OTUD7A: variants seen among roughly 807,000 people sequenced by gnomAD.
OTUD7A encodes the protein OTU deubiquitinase 7A.
A neutral mutation model predicts 65.7 loss-of-function variants in OTUD7A; 12 were observed. The ratio of observed to expected loss-of-function variants is 0.18; its 90% confidence interval spans 0.12 to 0.30. The LOEUF is 0.30. Among genes scored for constraint, OTUD7A ranks in the 10% least tolerant of loss-of-function variants. The pLI is 1.00. For synonymous variants in OTUD7A, 641 were observed against 586.3 expected, an observed-to-expected ratio of 1.09 and a Z score of -1.35; for missense variants, 1,148 against 1,304.8, an observed-to-expected ratio of 0.88 and a Z score of 1.85.
In OTUD7A at chr15:31,723,375, G is replaced by GC. The variant is rs1426427526; in HGVS notation, c.-99-66299dup. 9.1e-4 allele frequency among the ~76,000 whole-genome samples: 104 copies of GC among 114,142 alleles called. 1 individual carries two copies. Among genetic ancestry groups the GC allele is most frequent in the African/African-American group, 3.5e-3 (98 of 27,844 alleles). The allele number at this position is 114,142 out of a possible 152,430, so 74.9% of individuals were successfully genotyped here. On this transcript the variant is annotated intron_variant, in intron 1 of 12. Transcript: ENST00000307050. Reference sequence around the variant, plus strand: ...GAAAGTATATGTACCACTCCCAACTGCCCCCCGCACCGCACGCCACCCCCC... The same window carrying GC: ...GAAAGTATATGTACCACTCCCAACTGCCCCCCCGCACCGCACGCCACCCCCC...
At position 31,484,194 on chromosome 15, in the gene OTUD7A, G is replaced by C; in HGVS notation, c.1902C>G (p.Ala634=). Residue 634 remains alanine, a synonymous_variant, in exon 13 of 13, where the codon GCC becomes GCG. Transcript: ENST00000307050. This position sits in a 1 kb window ranked among gnomAD's most constrained non-coding sequence, Gnocchi z 4.5. ...DVKLSLNILR[A]AMQGERKFIF... ...TGAACTTGCGCTCCCCCTGCATGGC[G>C]GCGCGCAGGATGTTGAGGCTCAGCT... is the stretch of plus-strand genomic sequence containing the variant. The C allele has an allele frequency of 1.2e-6, 2 of 1,609,556 alleles. No individual in the cohort carries two copies. The highest frequency in any genetic ancestry group is 4.5e-5 in the East Asian group (2 of 44,766).
At chr15:31,820,494 C>T (rs1344167215) in intron 1 of OTUD7A, among the ~76,000 whole-genome samples, 3 of 152,202 alleles carry the variant, frequency 2.0e-5, no homozygotes, top group African/African-American at 7.2e-5. Flanking sequence ...TCAACATATA[C>T]AGTGTGTCAG....
At chr15:31,617,705 G>T (rs1189531303) in intron 3 of OTUD7A, among the ~76,000 whole-genome samples, 1 of 151,986 alleles carries the variant, frequency 6.6e-6, no homozygotes, top group African/African-American at 2.4e-5. Context: ...ATAGGAAGAG[G>T]GAAGGAAAGA....
chr15:31,719,686 A>C (rs974056031), intron 1 of OTUD7A, among the ~76,000 whole-genome samples: 1 of 152,136 alleles, frequency 6.6e-6, no homozygotes, highest in African/African-American at 2.4e-5. Flanking sequence ...GATCTTGTTA[A>C]ACTGAACTGG....
At chr15:31,601,932 T>C (rs906178455) in intron 3 of OTUD7A, among the ~76,000 whole-genome samples, 1 of 152,102 alleles carries the variant, frequency 6.6e-6, no homozygotes, top group Non-Finnish European at 1.5e-5. Context: ...AATAGACCAA[T>C]AACAAGTTCT....
At chr15:31,849,952 C>A (rs532462724) in intron 1 of OTUD7A, among the ~76,000 whole-genome samples, 1 of 152,078 alleles carries the variant, frequency 6.6e-6, no homozygotes, top group African/African-American at 2.4e-5. Context: ...GACACTTTTA[C>A]ACTGTTAGTG....
intron 1 of OTUD7A, among the ~76,000 whole-genome samples, chr15:31,830,823 G>C (rs1017761086): frequency 1.3e-5 from 2 of 152,208 alleles, no homozygotes; most frequent in Non-Finnish European, 2.9e-5. Context: ...TCGTTGCCAT[G>C]TTATGCACAA....
chr15:31,850,743 G>C (rs536456166), intron 1 of OTUD7A, among the ~76,000 whole-genome samples: 3 of 152,100 alleles, frequency 2.0e-5, no homozygotes, highest in African/African-American at 2.4e-5. Flanking sequence ...TCACCTCAGA[G>C]AGCCACTTAA....
Position 31,487,822 on chromosome 15 carries a change from T to A in OTUD7A, c.1172-256A>T, listed in dbSNP as rs2041260740. 6.6e-6 allele frequency among the ~76,000 whole-genome samples: 1 copy of A among 152,188 alleles called. No individual in the cohort carries two copies. The highest frequency in any genetic ancestry group is 6.5e-5 in the Admixed American group (1 of 15,288). ...TTTGGGTCTGTCCAATGGCAGATAC[T>A]CCATTGGGCAGCAGAATGGGAAAAA... On this transcript the variant is annotated intron_variant, in intron 10 of 12. Transcript: ENST00000307050. This position sits in a 1 kb window ranked among gnomAD's most constrained non-coding sequence, Gnocchi z 6.0.
chr15:31,613,218 T>G (rs1438815410), intron 3 of OTUD7A, among the ~76,000 whole-genome samples: 3 of 152,134 alleles, frequency 2.0e-5, no homozygotes, highest in African/African-American at 7.2e-5. Context: ...GAAAACCCCT[T>G]CTAGACATTG....
At chr15:31,827,934 CA>C (rs958786488) in intron 1 of OTUD7A, among the ~76,000 whole-genome samples, 6 of 147,276 alleles carry the variant, frequency 4.1e-5, no homozygotes, top group African/African-American at 7.5e-5. Flanking sequence ...GATTCCATCT[CA>C]AAAAAAAAAC....
intron 1 of OTUD7A, among the ~76,000 whole-genome samples, chr15:31,687,092 G>A (rs1278043543): frequency 4.2e-5 from 5 of 118,276 alleles, no homozygotes; most frequent in African/African-American, 1.5e-4. Context: ...AAACTAAAAG[G>A]ACTTGATTTA....
At position 31,486,181 on chromosome 15, in the gene OTUD7A, C is replaced by T. The variant is rs74010661; in HGVS notation, c.1371+1013G>A. ...TCAGCCCGAGAGCCTCCTGATTCTACATCTCGAGCCACTGCCATCACTCCC... is the reference window on the plus strand; with the variant it reads ...TCAGCCCGAGAGCCTCCTGATTCTATATCTCGAGCCACTGCCATCACTCCC... On this transcript the variant is annotated intron_variant, in intron 12 of 12. Transcript: ENST00000307050. Among the ~76,000 whole-genome samples, 1,151 of 152,338 alleles carry T rather than the reference C, an allele frequency of 7.6e-3. 14 individuals are homozygous for T. The highest frequency in any genetic ancestry group is 0.027 in the African/African-American group (1,108 of 41,566).
chr15:31,833,005 G>A (rs549149283), intron 1 of OTUD7A, among the ~76,000 whole-genome samples: 7 of 152,272 alleles, frequency 4.6e-5, no homozygotes, highest in Non-Finnish European at 1.0e-4. Flanking sequence ...ATATTTTGGG[G>A]AACCACCATT....
intron 1 of OTUD7A, among the ~76,000 whole-genome samples, chr15:31,725,134 G>C (rs978204383): frequency 5.3e-5 from 8 of 152,132 alleles, no homozygotes; most frequent in East Asian, 1.9e-4. Flanking sequence ...AGAAAGCTGC[G>C]AGCTTGCAAG....
chr15:31,562,129 C>A (rs181318322), intron 4 of OTUD7A, among the ~76,000 whole-genome samples: 2 of 152,174 alleles, frequency 1.3e-5, no homozygotes, highest in Non-Finnish European at 2.9e-5. Flanking sequence ...TCTGGCCCTG[C>A]GTTTTCTTAT....
At chr15:31,701,687 G>A (rs979990657) in intron 1 of OTUD7A, among the ~76,000 whole-genome samples, 1 of 151,272 alleles carries the variant, frequency 6.6e-6, no homozygotes, top group African/African-American at 2.4e-5. Flanking sequence ...GAAATGTCCA[G>A]GCCTAGATGG....
At chr15:31,505,553 C>A (rs577828406) in intron 8 of OTUD7A, among the ~76,000 whole-genome samples, 1 of 149,382 alleles carries the variant, frequency 6.7e-6, no homozygotes, top group East Asian at 1.9e-4. Context: ...AATTCTCCCT[C>A]TTATAATTTT....
chr15:31,623,832 G>C (rs1402401967), intron 3 of OTUD7A, among the ~76,000 whole-genome samples: 1 of 152,220 alleles, frequency 6.6e-6, no homozygotes, highest in Non-Finnish European at 1.5e-5. Flanking sequence ...TGGAAATGCA[G>C]AAATCACCTG....
Sources: allele counts gnomAD v4.1 joint callset (sites outside exome capture counted in the v4.1 genomes callset), GRCh38; gene constraint gnomAD v4.1.1; non-coding constraint Gnocchi (gnomAD v3.1); transcripts MANE v1.5; gene names NCBI Gene and HGNC (gene_info 2026-07-23, HGNC 2026-07-21).